The following TMEM44 variants were observed in gnomAD, a reference collection of about 807,000 sequenced individuals.
TMEM44 encodes the protein transmembrane protein 44.
TMEM44 carries 43 observed loss-of-function variants against 47.8 expected under a neutral mutation model. The ratio of observed to expected loss-of-function variants is 0.90; its 90% CI spans 0.70 to 1.16. The LOEUF (loss-of-function observed/expected upper bound fraction) is 1.16, where lower values mean the gene tolerates loss of function less well. TMEM44 is among the 50% of genes most tolerant of loss of function. TMEM44 has a pLI of 0.00. For synonymous variants in TMEM44, 277 were observed against 238.8 expected (o/e 1.16, Z -1.48); for missense variants, 568 against 555.2 (o/e 1.02, Z -0.23).
chr3:194,617,925 G>T, intron 5 of TMEM44: 1 of 580,278 alleles, frequency 1.7e-6, no homozygotes, highest in East Asian at 3.1e-5. Flanking sequence ...CCACCCTCTT[G>T]CACTCTCTCT....
At chr3:194,604,143 C>T (rs533939295) in intron 9 of TMEM44, 144 bp downstream of exon 9, 27 of 1,075,978 alleles carry the variant, frequency 2.5e-5, no homozygotes, top group South Asian at 2.3e-4. Context: ...TGTGAGCCAC[C>T]GCGCCTGGCC....
At chr3:194,615,749 T>C in intron 6 of TMEM44, 52 bp from the exon 7 acceptor site, 1 of 1,600,754 alleles carries the variant, frequency 6.2e-7, no homozygotes, top group Admixed American at 1.7e-5. Context: ...CTGCCTAGCG[T>C]GGCCCTTCAC....
chr3:194,620,883 C>T (rs940419882), intron 5 of TMEM44, among the ~76,000 whole-genome samples: 5 of 151,920 alleles, frequency 3.3e-5, no homozygotes, highest in African/African-American at 1.2e-4. Flanking sequence ...AAAAATTAGC[C>T]GGGCGTGGTG....
chr3:194,599,575 CT>C (rs759360732), intron 9 of TMEM44, among the ~76,000 whole-genome samples: 1 of 102,578 alleles, frequency 9.7e-6, no homozygotes, highest in East Asian at 2.6e-4. Context: ...TTTTCATTTT[CT>C]TTTTCTTTTC....
chr3:194,612,558 C>A (rs1715430750), intron 7 of TMEM44, among the ~76,000 whole-genome samples: 1 of 151,292 alleles, frequency 6.6e-6, no homozygotes, highest in African/African-American at 2.4e-5. Flanking sequence ...CTCACACCCA[C>A]TCTCTGTGAG....
In TMEM44 at chr3:194,613,420, T is replaced by C. The variant is rs899617132; in HGVS notation, c.912+2149A>G. 5.7e-4 allele frequency among the ~76,000 whole-genome samples: 86 copies of C among 150,962 alleles called. 1 individual carries two copies. The highest frequency in any genetic ancestry group is 9.9e-4 in the Non-Finnish European group (67 of 67,818). On this transcript the variant is annotated intron_variant, in intron 7 of 9. Coordinates refer to ENST00000347147, the MANE Select transcript of TMEM44 (RefSeq NM_001011655.3). ...CTCGAACTCTTGAGCTCAGGCAATCTGCCCATCTCGGCCTCCCAAAGTGCT... is the reference window on the plus strand; with the variant it reads ...CTCGAACTCTTGAGCTCAGGCAATCCGCCCATCTCGGCCTCCCAAAGTGCT...
chr3:194,612,819 C>T (rs7621869), intron 7 of TMEM44, among the ~76,000 whole-genome samples: 57,665 of 151,560 alleles, frequency 0.38, 11,770 homozygotes, highest in East Asian at 0.78. Context: ...CACCCGCCAC[C>T]GCGCCCAGCT....
At chr3:194,603,491 G>A (rs892450329) in intron 9 of TMEM44, among the ~76,000 whole-genome samples, 13 of 152,018 alleles carry the variant, frequency 8.6e-5, no homozygotes, top group East Asian at 3.9e-4. Context: ...TCCACCTCCC[G>A]GGTTCAAGTG....
In TMEM44 at chr3:194,610,950, C is replaced by T. The variant is rs372901593; in HGVS notation, c.983G>A (p.Arg328His). 4.2e-5 allele frequency: 67 copies of T among 1,613,818 alleles called. No homozygotes were observed. The highest frequency in any genetic ancestry group is 1.6e-4 in the Middle Eastern group (1 of 6,082). ...KSLRTMTAIS[R>H]YMELTIEPVQ... ...AGGCTCGATGGTCAGCTCCATGTAG[C>T]GACTGATTGCTGTCATTGTCCTCAG... The change falls in exon 8 of 10, where the codon CGC (arginine) becomes CAC (histidine). Residue 328 changes from arginine (R) to histidine (H), a missense_variant. Physicochemically the swap from Arg to His is conservative, Grantham distance 29. Coordinates refer to ENST00000347147, the MANE Select transcript of TMEM44 (RefSeq NM_001011655.3).
At chr3:194,624,471 T>C (rs1716922829) in intron 3 of TMEM44, among the ~76,000 whole-genome samples, 1 of 151,974 alleles carries the variant, frequency 6.6e-6, no homozygotes, top group African/African-American at 2.4e-5. Flanking sequence ...CAGGCTGGAG[T>C]GCAGTGGCAC....
At chr3:194,593,102 G>A in intron 9 of TMEM44, 2 of 1,612,788 alleles carry the variant, frequency 1.2e-6, no homozygotes, top group South Asian at 2.2e-5. Flanking sequence ...GACAGAAAAA[G>A]TGTTGGACAG....
chr3:194,623,879 CTT>C (rs1716858720), intron 3 of TMEM44, among the ~76,000 whole-genome samples, 184 bp from the exon 4 acceptor site: 1 of 152,182 alleles, frequency 6.6e-6, no homozygotes, highest in African/African-American at 2.4e-5. Flanking sequence ...TTCAAGGAGT[CTT>C]TCCTCTCCAC....
At chr3:194,604,548 G>C in intron 8 of TMEM44, 103 bp from the exon 9 acceptor site, 1 of 1,390,934 alleles carries the variant, frequency 7.2e-7, no homozygotes, top group South Asian at 1.5e-5. Context: ...TGTACAAAAG[G>C]GTGTGCAGGG....
chr3:194,625,914 T>G lies in TMEM44; in HGVS notation c.341A>C (p.Lys114Thr), dbSNP rs1395493022. 1 of 1,613,428 alleles carries G rather than the reference T, an allele frequency of 6.2e-7. No homozygotes were observed. The highest frequency in any genetic ancestry group is 1.3e-5 in the African/African-American group (1 of 74,930). Residue 114 changes from lysine to threonine, a missense_variant, in exon 3 of 10, where the codon AAA (lysine) becomes ACA (threonine). By Grantham distance (78) the Lys-to-Thr change is moderately conservative. Coordinates refer to ENST00000347147, the MANE Select transcript of TMEM44 (RefSeq NM_001011655.3). ...MFILFPVCGSKFKSNSDREAR... is the reference protein window; with the variant it reads ...MFILFPVCGSTFKSNSDREAR... ...ACACTCACCTGAATTAGACTTGAAT[T>G]TGGATCCACAGACTGGGAAGAGAAT...
intron 5 of TMEM44, among the ~76,000 whole-genome samples, chr3:194,618,187 T>C (rs1313468073): frequency 6.6e-6 from 1 of 152,092 alleles, no homozygotes; most frequent in Non-Finnish European, 1.5e-5. Flanking sequence ...CTGACCCAGG[T>C]CACATGGGGA....
chr3:194,600,458 C>T (rs1228201745), intron 9 of TMEM44, among the ~76,000 whole-genome samples: 2 of 147,254 alleles, frequency 1.4e-5, no homozygotes, highest in Non-Finnish European at 3.0e-5. Flanking sequence ...CTTTTAAGAA[C>T]AGAAAATAGG....
At chr3:194,626,013 T>A in intron 2 of TMEM44, 23 bp from the exon 3 acceptor site, 34 of 1,533,606 alleles carry the variant, frequency 2.2e-5, no homozygotes, top group Non-Finnish European at 2.7e-5. Context: ...GGGAAGAGAG[T>A]CTTGGCATTC....
intron 9 of TMEM44, among the ~76,000 whole-genome samples, chr3:194,603,750 C>T (rs1191402173): frequency 6.6e-6 from 1 of 152,140 alleles, no homozygotes; most frequent in East Asian, 1.9e-4. Flanking sequence ...CTCAAGTGAT[C>T]GGTGAAGACC....
rs1024934679 is a variant in TMEM44 at position 194,594,117 on chromosome 3, T to A, written c.1177-5478A>T. 1.5e-4 allele frequency among the ~76,000 whole-genome samples: 13 copies of A among 85,558 alleles called. No individual in the cohort carries two copies. In the East Asian group the frequency reaches 2.3e-3, roughly 15 times the overall value. 56.1% of individuals were successfully genotyped at this position (85,558 alleles called of 152,430 possible). On this transcript the variant is annotated intron_variant, in intron 9 of 9. Coordinates refer to ENST00000347147, the MANE Select transcript of TMEM44 (RefSeq NM_001011655.3). ...ATGAGCCACAGCACCTGGCCTAATT[T>A]TCTATCTATCTATCTATCTATCTAT...
Sources: gnomAD v4.1 joint callset for allele counts (sites outside exome capture counted in the v4.1 genomes callset) on GRCh38, gnomAD v4.1.1 for gene constraint, MANE v1.5 for transcripts, NCBI Gene and HGNC (gene_info 2026-07-23, HGNC 2026-07-21) for gene names.